GLIS3: variants seen among roughly 807,000 people sequenced by gnomAD.
GLIS3 encodes GLIS family zinc finger 3.
A neutral mutation model predicts 78.6 loss-of-function variants in GLIS3; 53 were observed. The ratio of observed to expected loss-of-function variants is 0.67; its 90% CI spans 0.54 to 0.85. The LOEUF is 0.85. Among genes scored for constraint, GLIS3 ranks in the 40% least tolerant of loss-of-function variants. GLIS3 has a pLI of 0.00. For missense variants in GLIS3, 1,703 were observed against 1,231.1 expected, an observed-to-expected ratio of 1.38 and a Z score of -5.74; for synonymous variants, 684 against 509.9, an observed-to-expected ratio of 1.34 and a Z score of -4.60.
chr9:3,938,420 C>A (rs1305373149), intron 4 of GLIS3, among the ~76,000 whole-genome samples: 1 of 152,112 alleles, frequency 6.6e-6, no homozygotes, highest in Admixed American at 6.6e-5. Context: ...CTCTTTGGTT[C>A]TCTTACTTAC....
intron 4 of GLIS3, among the ~76,000 whole-genome samples, chr9:4,023,977 G>A (rs1195716926): frequency 1.3e-5 from 2 of 151,258 alleles, no homozygotes; most frequent in East Asian, 1.9e-4. Context: ...TAGTCATGAA[G>A]AGTAAGACCA....
chr9:3,881,412 T>C (rs2130476084), intron 7 of GLIS3, among the ~76,000 whole-genome samples: 1 of 152,300 alleles, frequency 6.6e-6, no homozygotes, highest in South Asian at 2.1e-4. Flanking sequence ...AGGGAAGCAT[T>C]GCCCCTGCTG....
chr9:3,834,960 G>T (rs1818263352), intron 9 of GLIS3, among the ~76,000 whole-genome samples: 1 of 152,076 alleles, frequency 6.6e-6, no homozygotes, highest in South Asian at 2.1e-4. Context: ...TGTGCACCAG[G>T]GTGGCGATGT....
intron 6 of GLIS3, among the ~76,000 whole-genome samples, chr9:3,920,146 G>A (rs1824785184): frequency 6.6e-6 from 1 of 151,846 alleles, no homozygotes; most frequent in African/African-American, 2.4e-5. Context: ...TGGGACTACA[G>A]GCGCCCGCCA....
Position 4,132,524 on chromosome 9 carries a change from G to C in GLIS3, c.389-6583C>G, listed in dbSNP as rs150205721. Among the ~76,000 whole-genome samples the C allele has an allele frequency of 7.4e-3, 1,123 of 152,208 alleles. 11 individuals are homozygous for C. The highest frequency in any genetic ancestry group is 0.013 in the Non-Finnish European group (859 of 68,012). ...GGGGGAACAAGAATGAAATATATCT[G>C]GGAAGAGCGGAGAGAAGCAACCAAC... On this transcript the variant is annotated intron_variant, in intron 2 of 10. Transcript: ENST00000381971.
chr9:4,029,164 C>T (rs1284390726), intron 4 of GLIS3, among the ~76,000 whole-genome samples: 2 of 152,064 alleles, frequency 1.3e-5, no homozygotes, highest in East Asian at 3.9e-4. Context: ...TCCTCAATAC[C>T]TTAAAAACTA....
intron 9 of GLIS3, among the ~76,000 whole-genome samples, chr9:3,844,329 TAAGA>T (rs1314964414): frequency 6.6e-6 from 1 of 152,206 alleles, no homozygotes; most frequent in Non-Finnish European, 1.5e-5. Flanking sequence ...GTTTAAAATA[TAAGA>T]AATATAAGAC....
chr9:4,178,444 G>A (rs945073054), intron 2 of GLIS3, among the ~76,000 whole-genome samples: 3 of 152,164 alleles, frequency 2.0e-5, no homozygotes, highest in South Asian at 2.1e-4. Context: ...GGAGAAGGAG[G>A]GGAAGGGAGG....
the GLIS3 span, among the ~76,000 whole-genome samples, chr9:4,385,982 T>G: frequency 6.6e-6 from 1 of 152,196 alleles, no homozygotes; most frequent in African/African-American, 2.4e-5. Context: ...AGAAATATAT[T>G]GAGATCCCTA....
In GLIS3 at chr9:4,336,774, G is replaced by A. The variant is rs117036905; in HGVS notation, n.264+10307C>T. On this transcript the variant is annotated intron_variant and non_coding_transcript_variant, in intron 2 of 4. Coordinates refer to the GLIS3 transcript ENST00000471664. ...CCTATACAATTTGTATATTCCTTTA[G>A]TTGGCAAGTTTTTATGATAGTAGAG... 7.9e-5 allele frequency among the ~76,000 whole-genome samples: 12 copies of A among 152,280 alleles called. No individual in the cohort carries two copies. In the East Asian group the frequency reaches 2.3e-3, roughly 29 times the overall value.
intron 2 of GLIS3, among the ~76,000 whole-genome samples, chr9:4,210,583 C>T (rs1398258041): frequency 6.6e-6 from 1 of 152,138 alleles, no homozygotes; most frequent in African/African-American, 2.4e-5. Flanking sequence ...TGCCCTGGGA[C>T]TCTTTTCTTA....
intron 2 of GLIS3, among the ~76,000 whole-genome samples, chr9:4,310,865 C>T (rs1817341119): frequency 6.6e-6 from 1 of 152,204 alleles, no homozygotes; most frequent in Non-Finnish European, 1.5e-5. Context: ...TGATGTTTTA[C>T]ACTTCTCTAC....
At chr9:4,237,551 A>T (rs1425487811) in intron 2 of GLIS3, among the ~76,000 whole-genome samples, 1 of 152,252 alleles carries the variant, frequency 6.6e-6, no homozygotes, top group Admixed American at 6.5e-5. Context: ...TTATCATTCA[A>T]AATGATAGTA....
At chr9:4,260,298 G>A (rs7045595) in intron 2 of GLIS3, among the ~76,000 whole-genome samples, 21,342 of 151,952 alleles carry the variant, frequency 0.14, 1,617 homozygotes, top group Non-Finnish European at 0.16. Context: ...CGGGCACAGT[G>A]GCTCACACCT....
the GLIS3 span, among the ~76,000 whole-genome samples, chr9:4,458,348 G>A: frequency 6.6e-6 from 1 of 152,234 alleles, no homozygotes; most frequent in African/African-American, 2.4e-5. Flanking sequence ...AGCTCTTGTG[G>A]TGTGGAGAGA....
At chr9:3,830,298 C>G (rs1455226910) in intron 9 of GLIS3, among the ~76,000 whole-genome samples, 2 of 151,916 alleles carry the variant, frequency 1.3e-5, no homozygotes, top group Non-Finnish European at 2.9e-5. Context: ...TTACTTTTTT[C>G]TTCTTTCTCC....
the GLIS3 span, among the ~76,000 whole-genome samples, chr9:4,372,432 T>C: frequency 1.3e-5 from 2 of 152,016 alleles, no homozygotes; most frequent in Non-Finnish European, 2.9e-5. Flanking sequence ...AAACATCAAC[T>C]TGCCTGTAAG....
chr9:4,123,572 T>C, intron 3 of GLIS3: 1 of 333,188 alleles, frequency 3.0e-6, no homozygotes, highest in Non-Finnish European at 5.3e-6. Context: ...ACTTTCTTTA[T>C]AAAGTGGAAT....
At chr9:4,328,139 G>A (rs974094861) in intron 2 of GLIS3, among the ~76,000 whole-genome samples, 6 of 152,154 alleles carry the variant, frequency 3.9e-5, no homozygotes, top group Admixed American at 1.3e-4. Flanking sequence ...CTGCTACCCC[G>A]GGGATCCAGT....
Sources: allele counts gnomAD v4.1 joint callset (sites outside exome capture counted in the v4.1 genomes callset), GRCh38; gene constraint gnomAD v4.1.1; transcripts MANE v1.5; gene names NCBI Gene and HGNC (gene_info 2026-07-23, HGNC 2026-07-21).